Variants in ANK3 observed in about 807,000 individuals in gnomAD.
ANK3 encodes the protein ankyrin 3.
Under a neutral mutation model 370.9 loss-of-function variants are expected in ANK3, and 57 were observed. The observed-to-expected ratio is 0.15, with a 90% CI of 0.12 to 0.19. ANK3 has a LOEUF of 0.19. Ranked by LOEUF, ANK3 falls within the 10% of genes least tolerant of loss-of-function variation. The pLI, the probability that ANK3 is intolerant of heterozygous loss-of-function variation, is 1.00. For missense variants in ANK3, 4,439 were observed against 5,302.1 expected, an observed-to-expected ratio of 0.84 and a Z score of 5.06; for synonymous variants, 1,929 against 1,946.3, an observed-to-expected ratio of 0.99 and a Z score of 0.23.
At chr10:60,441,356 C>A (rs892302922) in intron 2 of ANK3, among the ~76,000 whole-genome samples, 5 of 152,056 alleles carry the variant, frequency 3.3e-5, no homozygotes, top group African/African-American at 1.2e-4. Context: ...TCTAAAAAAT[C>A]TAGGTGAAAG....
At chr10:60,546,065 TCAC>T (rs2076956804) in intron 2 of ANK3, among the ~76,000 whole-genome samples, 1 of 39,508 alleles carries the variant, frequency 2.5e-5, no homozygotes, top group Admixed American at 2.0e-4. Flanking sequence ...AGACAAGGTC[TCAC>T]TCTGTCACCC....
chr10:60,345,110 G>A (rs886757758), intron 1 of ANK3, among the ~76,000 whole-genome samples: 3 of 152,108 alleles, frequency 2.0e-5, no homozygotes, highest in African/African-American at 7.2e-5. Flanking sequence ...GCCCAACTAA[G>A]GATGCTGTAC....
chr10:60,061,371 A>C (rs1309880229), intron 40 of ANK3, among the ~76,000 whole-genome samples: 2 of 152,252 alleles, frequency 1.3e-5, no homozygotes, highest in South Asian at 2.1e-4. Flanking sequence ...CTGTATTTTA[A>C]GGATATTCCA....
At chr10:60,401,840 C>T (rs1274598346) in intron 2 of ANK3, among the ~76,000 whole-genome samples, 1 of 152,074 alleles carries the variant, frequency 6.6e-6, no homozygotes, top group African/African-American at 2.4e-5. Flanking sequence ...TTCATATACC[C>T]ATTAAGTAAC....
chr10:60,289,632 CA>C (rs1391539503), intron 1 of ANK3, among the ~76,000 whole-genome samples: 2 of 152,094 alleles, frequency 1.3e-5, no homozygotes, highest in Non-Finnish European at 2.9e-5. Context: ...CTCCTAGGCT[CA>C]AGTGATCTGC....
At chr10:60,376,083 T>A (rs2060733246) in intron 1 of ANK3, among the ~76,000 whole-genome samples, 2 of 152,092 alleles carry the variant, frequency 1.3e-5, no homozygotes, top group Non-Finnish European at 2.9e-5. Flanking sequence ...GACTTCACAC[T>A]CCACAGAGAA....
chr10:60,096,268 T>A (rs1447785377), intron 28 of ANK3, among the ~76,000 whole-genome samples: 1 of 152,148 alleles, frequency 6.6e-6, no homozygotes, highest in African/African-American at 2.4e-5. Flanking sequence ...AATGTAAAAA[T>A]GAACAGTGCC....
chr10:60,412,134 A>G (rs2063572274), intron 2 of ANK3, among the ~76,000 whole-genome samples: 1 of 152,166 alleles, frequency 6.6e-6, no homozygotes, highest in African/African-American at 2.4e-5. Context: ...CCAGGTAGAC[A>G]AACTATGTGT....
chr10:60,324,607 G>C (rs1456025501), intron 1 of ANK3, among the ~76,000 whole-genome samples: 2 of 152,086 alleles, frequency 1.3e-5, no homozygotes, highest in East Asian at 3.9e-4. Flanking sequence ...CCAGTCAGCT[G>C]CAGTTTGAAA....
At chr10:60,249,439 C>G (rs1359449423) in intron 7 of ANK3, among the ~76,000 whole-genome samples, 1 of 152,122 alleles carries the variant, frequency 6.6e-6, no homozygotes, top group Non-Finnish European at 1.5e-5. Flanking sequence ...TTCTGACAAA[C>G]CTGGAACTAA....
At chr10:60,522,470 A>G (rs1214396292) in intron 2 of ANK3, among the ~76,000 whole-genome samples, 1 of 150,776 alleles carries the variant, frequency 6.6e-6, no homozygotes, top group Non-Finnish European at 1.5e-5. Context: ...CTCCTTCCCT[A>G]TATTCCACAA....
chr10:60,364,151 G>A lies in ANK3; in HGVS notation c.114+25274C>T, dbSNP rs112690122. On this transcript the variant is annotated intron_variant, in intron 1 of 43. Transcript: ENST00000280772. ...TCTACTAAAAATACAAAAATTAGCCGGGCATGGTGGTGGGTGCCTTTAATC... is the reference window on the plus strand; with the variant it reads ...TCTACTAAAAATACAAAAATTAGCCAGGCATGGTGGTGGGTGCCTTTAATC... Among the ~76,000 whole-genome samples the A allele has an allele frequency of 7.8e-3, 1,176 of 151,666 alleles. 8 individuals are homozygous for A. The highest frequency in any genetic ancestry group is 0.024 in the Middle Eastern group (7 of 294).
intron 1 of ANK3, among the ~76,000 whole-genome samples, chr10:60,643,861 T>C (rs2078671245): frequency 6.6e-6 from 1 of 152,166 alleles, no homozygotes; most frequent in South Asian, 2.1e-4. Context: ...ATCTTTATCA[T>C]TCCCAGAGAA....
chr10:60,364,328 C>T (rs1019317175), intron 1 of ANK3, among the ~76,000 whole-genome samples: 2 of 150,902 alleles, frequency 1.3e-5, no homozygotes, highest in African/African-American at 4.9e-5. Context: ...TAAGGCTGCT[C>T]AAGTGATCTA....
chr10:60,351,121 C>A (rs912448535), intron 1 of ANK3, among the ~76,000 whole-genome samples: 2 of 152,148 alleles, frequency 1.3e-5, no homozygotes, highest in Non-Finnish European at 2.9e-5. Context: ...CAATTCAGTG[C>A]TTCCAATAGT....
Position 60,064,264 on chromosome 10 carries a change from G to T in ANK3, c.12344C>A (p.Ser4115Ter). 1.3e-6 allele frequency: 2 copies of T among 1,576,462 alleles called. No homozygotes were observed. Among genetic ancestry groups the T allele is most frequent in the South Asian group, 1.2e-5 (1 of 83,132 alleles). The change falls in exon 39 of 44, where the codon TCA becomes TAA. Residue 4115 changes from serine (S) to a stop codon, truncating the protein, a stop_gained. Coordinates refer to ENST00000280772, the MANE Select transcript of ANK3 (RefSeq NM_020987.5). LOFTEE classifies it high-confidence loss of function. ...WTELARELNFSVDEINQIRVE... is the reference protein window; with the variant it reads ...WTELARELNF ...ACGTATTTGATTGATTTCATCCACT[G>T]AAAAATTCAGTTCCCTTGCCAGTTC...
At chr10:60,195,482 T>TG (rs746267446) in intron 16 of ANK3, among the ~76,000 whole-genome samples, 1 of 151,496 alleles carries the variant, frequency 6.6e-6, no homozygotes, top group Non-Finnish European at 1.5e-5. Context: ...AACACTGAAA[T>TG]GGTTTGCATC....
At position 60,448,125 on chromosome 10, in the gene ANK3, G is replaced by A. The variant is rs139756220; in HGVS notation, c.96+167061C>T. ...GAGAATCCAGAGAAGAACAGGCAGG[G>A]AAAGTCTGCAGCATTCTGCAACTGC... is the stretch of plus-strand genomic sequence containing the variant. On this transcript the variant is annotated intron_variant, in intron 2 of 43. Coordinates refer to the ANK3 transcript ENST00000373827. Among the ~76,000 whole-genome samples, 581 of 152,248 alleles carry A rather than the reference G, an allele frequency of 3.8e-3. 4 individuals are homozygous for A. The highest frequency in any genetic ancestry group is 0.013 in the African/African-American group (548 of 41,538).
intron 36 of ANK3, 95 bp from the exon 37 acceptor site, chr10:60,076,543 T>C: frequency 2.1e-6 from 3 of 1,426,638 alleles, no homozygotes; most frequent in Non-Finnish European, 2.8e-6. Context: ...TCAGTAAACT[T>C]TGAAATATTA....
Sources: allele counts gnomAD v4.1 joint callset (sites outside exome capture counted in the v4.1 genomes callset), GRCh38; gene constraint gnomAD v4.1.1; transcripts MANE v1.5; gene names NCBI Gene and HGNC (gene_info 2026-07-23, HGNC 2026-07-21).